NFS1: variants seen among roughly 807,000 people sequenced by gnomAD.
NFS1 encodes the protein cysteine desulfurase.
A neutral mutation model predicts 57.3 loss-of-function variants in NFS1; 26 were observed. That is an observed-to-expected ratio of 0.45 (90% CI 0.33 to 0.63). The LOEUF is 0.63. Ranked by LOEUF, NFS1 falls within the 20% of genes least tolerant of loss-of-function variation. NFS1 has a pLI of 0.02. For synonymous variants in NFS1, 209 were observed against 216.3 expected (o/e 0.97, Z 0.30); for missense variants, 505 against 605.8 (o/e 0.83, Z 1.75).
intron 12 of NFS1, among the ~76,000 whole-genome samples, chr20:35,672,416 A>AT (rs2034672051): frequency 1.3e-5 from 2 of 151,626 alleles, no homozygotes; most frequent in African/African-American, 4.8e-5. Flanking sequence ...CTCCCGGCTA[A>AT]TTTTTTTGTA....
chr20:35,684,224 A>C (rs904504935), intron 5 of NFS1, among the ~76,000 whole-genome samples: 2 of 151,394 alleles, frequency 1.3e-5, no homozygotes, highest in Admixed American at 6.6e-5. Flanking sequence ...TGCCTAACAC[A>C]GTGAAACCCC....
rs199563281 is a variant in NFS1, at chr20:35,672,723, C to T, written c.1310+32G>A. The T allele has an allele frequency of 6.7e-6, 10 of 1,486,248 alleles. No individual in the cohort carries two copies. The African/African-American group carries it at 1.4e-4, about 20-fold the overall frequency. 92.1% of individuals were successfully genotyped at this position (1,486,248 alleles called of 1,614,324 possible). On this transcript the variant is annotated intron_variant, in intron 12 of 12. Transcript: ENST00000374092. ...AAGAGGGGAGACAGTGCTAGAGTTT[C>T]TTCCAAAGCGTCTCTGATACAATAT...
Position 35,691,767 on chromosome 20 carries a change from A to T in NFS1, c.409-1202T>A, listed in dbSNP as rs1261535945. Reference sequence around the variant, plus strand: ...AAAAAAAAAAAAAAAAAAAAAAAAGAACGCCAGGTGCAGTGGCTCATGCCT... The same window carrying T: ...AAAAAAAAAAAAAAAAAAAAAAAAGTACGCCAGGTGCAGTGGCTCATGCCT... On this transcript the variant is annotated intron_variant, in intron 4 of 12. Coordinates refer to ENST00000374092, the MANE Select transcript of NFS1 (RefSeq NM_021100.5). 9.3e-5 allele frequency among the ~76,000 whole-genome samples: 12 copies of T among 129,046 alleles called. No homozygotes were observed. The East Asian group carries it at 3.1e-3, about 34-fold the overall frequency. The allele number at this position is 129,046 out of a possible 152,430, so 84.7% of individuals were successfully genotyped here. A position where few individuals can be genotyped will look rare whatever the true frequency, so the allele number is the denominator to read the frequency against.
At chr20:35,697,178 TC>T (rs1296602627) in intron 3 of NFS1, among the ~76,000 whole-genome samples, 3 of 151,746 alleles carry the variant, frequency 2.0e-5, no homozygotes, top group Admixed American at 2.0e-4. Flanking sequence ...GTGCCTGTAA[TC>T]CCAATTACTT....
At chr20:35,694,059 T>A (rs1417350545) in intron 4 of NFS1, among the ~76,000 whole-genome samples, 1 of 152,004 alleles carries the variant, frequency 6.6e-6, no homozygotes, top group South Asian at 2.1e-4. Context: ...GATGAGAGGA[T>A]TGCTTGAGTC....
intron 10 of NFS1, 30 bp downstream of exon 10, chr20:35,674,320 C>T (rs370029312): frequency 1.4e-5 from 22 of 1,591,002 alleles, no homozygotes; most frequent in Non-Finnish European, 1.7e-5. Context: ...GTGGCCCTGC[C>T]GCAGGCCCTG....
In NFS1 at chr20:35,673,651, A is replaced by G. The variant is rs560759221; in HGVS notation, c.1170T>C (p.Tyr390=). 2.5e-6 allele frequency: 4 copies of G among 1,613,976 alleles called. No homozygotes were observed. Among genetic ancestry groups the G allele is most frequent in the East Asian group, 2.2e-5 (1 of 44,878 alleles). ...ACTSASLEPS[Y]VLRAIGTDED... The stretch of plus-strand genomic sequence containing the variant: ...CATCAGTGCCAATTGCTCTAAGCAC[A>G]TAAGAGGGCTCCAGGGATGCAGAGG... The change falls in exon 11 of 13, where the codon TAT becomes TAC. Residue 390 remains tyrosine (Y), a synonymous_variant. Coordinates refer to ENST00000374092, the MANE Select transcript of NFS1 (RefSeq NM_021100.5).
Position 35,673,596 on chromosome 20 carries a change from C to A in NFS1, c.1220+5G>T. The A allele has an allele frequency of 6.2e-7, 1 of 1,612,152 alleles. No individual in the cohort carries two copies. The highest frequency in any genetic ancestry group is 8.5e-7 in the Non-Finnish European group (1 of 1,178,372). ...TTCATAAATGTTGCAGCTCAACTCA[C>A]TGACCTGATAGAAGAGTGCGCTAAA... On this transcript the variant is annotated splice_donor_5th_base_variant and intron_variant, in intron 11 of 12. Coordinates refer to ENST00000374092, the MANE Select transcript of NFS1 (RefSeq NM_021100.5).
chr20:35,679,076 G>A (rs2034804481), intron 7 of NFS1, among the ~76,000 whole-genome samples: 1 of 152,186 alleles, frequency 6.6e-6, no homozygotes, highest in Admixed American at 6.5e-5. Flanking sequence ...GTTGGATAAT[G>A]AGGGACACCT....
chr20:35,687,677 C>G (rs1028562255), intron 5 of NFS1, among the ~76,000 whole-genome samples: 1 of 152,182 alleles, frequency 6.6e-6, no homozygotes, highest in Non-Finnish European at 1.5e-5. Context: ...TTTCTACGCT[C>G]TCTCGTCTCT....
intron 7 of NFS1, chr20:35,675,411 A>C: frequency 1.6e-6 from 1 of 618,770 alleles, no homozygotes. Context: ...TGCCAGAAGG[A>C]GTAATGATCA....
chr20:35,678,253 G>A (rs1409708254), intron 7 of NFS1, among the ~76,000 whole-genome samples: 3 of 152,160 alleles, frequency 2.0e-5, no homozygotes, highest in East Asian at 1.9e-4. Flanking sequence ...TGCTTGGGAC[G>A]CTGAGGCAGG....
chr20:35,696,520 G>C, intron 3 of NFS1, 60 bp from the exon 4 acceptor site: 1 of 1,326,304 alleles, frequency 7.5e-7, no homozygotes, highest in Non-Finnish European at 1.1e-6. Flanking sequence ...TAGAGCTGCA[G>C]ACACAGGTGG....
rs763067487 is a variant in NFS1, at chr20:35,669,682, A to G, written c.1314T>C (p.Pro438=). The change falls in exon 13 of 13, where the codon CCT becomes CCC. Residue 438 remains proline, a synonymous_variant. Transcript: ENST00000374092. ...QHVKRLREMS[P]LWEMVQDGID... is the part of the protein sequence containing the mutation. Reference sequence around the variant, plus strand: ...TGCCATCCTGAACCATCTCCCAGAGAGGGCTGCCAAAGAGAAGAGGCATTA... The same window carrying G: ...TGCCATCCTGAACCATCTCCCAGAGGGGGCTGCCAAAGAGAAGAGGCATTA... 6.2e-7 allele frequency: 1 copy of G among 1,613,994 alleles called. No homozygotes were observed. The highest frequency in any genetic ancestry group is 1.1e-5 in the South Asian group (1 of 91,076).
chr20:35,669,271 A>G lies in NFS1; in HGVS notation c.*351T>C, dbSNP rs937013561. On this transcript the variant is annotated 3_prime_UTR_variant, in exon 13 of 13. Coordinates refer to ENST00000374092, the MANE Select transcript of NFS1 (RefSeq NM_021100.5). ...AAGACGAAGACTCAAATGTCCATGT[A>G]GAGCATCATGGTCCCTGACCAAAGA... The G allele has an allele frequency of 5.1e-6, 1 of 195,392 alleles. No homozygotes were observed. The highest frequency in any genetic ancestry group is 1.0e-5 in the Non-Finnish European group (1 of 95,852). The allele number at this position is 195,392 out of a possible 1,614,324, so 12.1% of individuals were successfully genotyped here. A position where few individuals can be genotyped will look rare whatever the true frequency, so the allele number is the denominator to read the frequency against.
intron 4 of NFS1, chr20:35,695,035 T>C (rs1346237599): frequency 1.3e-5 from 2 of 152,220 alleles, no homozygotes; most frequent in African/African-American, 4.8e-5. Flanking sequence ...TCTTTAACAA[T>C]TTATAGATTA....
chr20:35,697,933 ATTCT>A (rs2035167221), intron 2 of NFS1, 133 bp from the exon 3 acceptor site: 1 of 588,708 alleles, frequency 1.7e-6, no homozygotes, highest in African/African-American at 1.9e-5. Context: ...GGCCTCAAAC[ATTCT>A]TTTGTTCCCA....
At chr20:35,684,392 A>G (rs2034902976) in intron 5 of NFS1, among the ~76,000 whole-genome samples, 1 of 147,240 alleles carries the variant, frequency 6.8e-6, no homozygotes, top group South Asian at 2.1e-4. Flanking sequence ...TGGGAGACAG[A>G]GCAAGACTCC....
intron 12 of NFS1, among the ~76,000 whole-genome samples, chr20:35,671,634 A>G (rs934994524): frequency 6.6e-6 from 1 of 151,786 alleles, no homozygotes; most frequent in African/African-American, 2.4e-5. Context: ...TTGTGCCTGT[A>G]ATCCCAGCAC....
Sources: allele counts gnomAD v4.1 joint callset (sites outside exome capture counted in the v4.1 genomes callset), GRCh38; gene constraint gnomAD v4.1.1; transcripts MANE v1.5; gene names NCBI Gene and HGNC (gene_info 2026-07-23, HGNC 2026-07-21).